The following TMEM184B variants were observed in gnomAD, a reference collection of about 807,000 sequenced individuals.
The protein encoded by TMEM184B is transmembrane protein 184B.
Under a neutral mutation model 41.8 loss-of-function variants are expected in TMEM184B, and 17 were observed. The observed-to-expected ratio is 0.41, with a 90% CI of 0.28 to 0.61. The LOEUF is 0.61. Among genes scored for constraint, TMEM184B ranks in the 20% least tolerant of loss-of-function variants. The pLI, the probability that TMEM184B is intolerant of heterozygous loss-of-function variation, is 0.34. For synonymous variants in TMEM184B, 240 were observed against 229.5 expected, an observed-to-expected ratio of 1.05 and a Z score of -0.41; for missense variants, 393 against 557.8, an observed-to-expected ratio of 0.70 and a Z score of 2.98.
chr22:38,221,699 G>T lies in TMEM184B; in HGVS notation c.994C>A (p.Pro332Thr), dbSNP rs958897396. The stretch of plus-strand genomic sequence containing the variant: ...AGGCTGCTGGAGATGCTCTTCATGG[G>T]GGCACAGCGGCCTGCCGGGCAGGGA... ...KRLDAQGRCA[P>T]MKSISSSLKE... The change falls in exon 9 of 9, where the codon CCC (proline) becomes ACC (threonine). Residue 332 changes from proline (P) to threonine (T), a missense_variant. This residue lies in a region of TMEM184B where 271 missense variants were observed against 434.1 expected (regional missense o/e 0.62). Coordinates refer to ENST00000361906, the MANE Select transcript of TMEM184B (RefSeq NM_012264.5). The T allele has an allele frequency of 1.9e-6, 3 of 1,613,824 alleles. No individual in the cohort carries two copies. Among genetic ancestry groups the T allele is most frequent in the Non-Finnish European group, 2.5e-6 (3 of 1,179,926 alleles).
chr22:38,232,273 TC>T (rs1449486817), intron 3 of TMEM184B: 1 of 152,104 alleles, frequency 6.6e-6, no homozygotes, highest in Non-Finnish European at 1.5e-5. Context: ...CGGCTCAACA[TC>T]TCCACAAAGA....
downstream of TMEM184B, among the ~76,000 whole-genome samples, chr22:38,218,944 A>G (rs1204124253): frequency 6.6e-6 from 1 of 152,174 alleles, no homozygotes; most frequent in African/African-American, 2.4e-5. Context: ...GAGACGCAGG[A>G]AGCTCGTCTG....
At chr22:38,255,405 C>T (rs528982426) in intron 1 of TMEM184B, among the ~76,000 whole-genome samples, 1 of 152,252 alleles carries the variant, frequency 6.6e-6, no homozygotes, top group African/African-American at 2.4e-5. Flanking sequence ...AACTCCTGAC[C>T]TTGTGATCCA....
At chr22:38,240,319 G>A (rs1399333308) in intron 3 of TMEM184B, among the ~76,000 whole-genome samples, 2 of 151,958 alleles carry the variant, frequency 1.3e-5, no homozygotes, top group Admixed American at 6.6e-5. Flanking sequence ...AATGGAGAGA[G>A]CTACTGACAT....
chr22:38,248,670 C>T (rs2092095739), intron 1 of TMEM184B, among the ~76,000 whole-genome samples: 1 of 152,238 alleles, frequency 6.6e-6, no homozygotes, highest in African/African-American at 2.4e-5. Context: ...TAACTGTTCC[C>T]CCCACCCCAC....
chr22:38,265,786 C>T (rs1207443804), intron 1 of TMEM184B, among the ~76,000 whole-genome samples: 1 of 152,240 alleles, frequency 6.6e-6, no homozygotes, highest in Admixed American at 6.5e-5. Context: ...AGATTCACTG[C>T]TCACTCTGCA....
rs150050904 is a variant in TMEM184B, at chr22:38,272,149, G to A, written c.-59+735C>T. Among the ~76,000 whole-genome samples, 82 of 152,334 alleles carry A rather than the reference G, an allele frequency of 5.4e-4. 4 individuals are homozygous for A. In the East Asian group the frequency reaches 0.016, roughly 29 times the overall value. On this transcript the variant is annotated intron_variant, in intron 1 of 8. Coordinates refer to ENST00000361906, the MANE Select transcript of TMEM184B (RefSeq NM_012264.5). ...TCTGGCCTTATACAACACCTCCAGA[G>A]GGGATATGTATTGGGAATCCATGCC...
At chr22:38,268,534 G>A (rs1335511444) in intron 1 of TMEM184B, among the ~76,000 whole-genome samples, 2 of 151,944 alleles carry the variant, frequency 1.3e-5, no homozygotes, top group Admixed American at 6.6e-5. Flanking sequence ...CTCTGTGGCC[G>A]CCTCCCACTC....
intron 3 of TMEM184B, chr22:38,231,584 C>G: frequency 1.6e-6 from 1 of 626,484 alleles, no homozygotes; most frequent in Non-Finnish European, 2.9e-6. Flanking sequence ...TGGCGTAATA[C>G]TATGAAGGGA....
At chr22:38,244,584 G>C (rs1348818067) in intron 3 of TMEM184B, among the ~76,000 whole-genome samples, 1 of 152,118 alleles carries the variant, frequency 6.6e-6, no homozygotes, top group Non-Finnish European at 1.5e-5. Flanking sequence ...AGCCTCCTGA[G>C]TAGCTGGAAT....
intron 3 of TMEM184B, among the ~76,000 whole-genome samples, chr22:38,244,078 A>G (rs1245558147): frequency 6.6e-6 from 1 of 152,136 alleles, no homozygotes; most frequent in Admixed American, 6.6e-5. Flanking sequence ...ATGTGGCCGC[A>G]GTTGGGGGTG....
intron 1 of TMEM184B, among the ~76,000 whole-genome samples, chr22:38,267,847 T>C (rs1031564256): frequency 6.6e-6 from 1 of 152,188 alleles, no homozygotes; most frequent in African/African-American, 2.4e-5. Flanking sequence ...CTGTGTACAT[T>C]TCGCCAGACA....
At chr22:38,248,137 C>T in intron 1 of TMEM184B, 118 bp from the exon 2 acceptor site, 7 of 1,344,682 alleles carry the variant, frequency 5.2e-6, no homozygotes, top group Non-Finnish European at 6.9e-6. Flanking sequence ...CCAACCATCA[C>T]CCTGTCCCAG....
chr22:38,232,772 G>C (rs777119869), intron 3 of TMEM184B, among the ~76,000 whole-genome samples: 3 of 152,084 alleles, frequency 2.0e-5, no homozygotes, highest in Non-Finnish European at 4.4e-5. Context: ...CGCCACTCCC[G>C]AGCAGCACTA....
chr22:38,259,182 C>A (rs564484567), intron 1 of TMEM184B, among the ~76,000 whole-genome samples: 6 of 152,342 alleles, frequency 3.9e-5, no homozygotes, highest in African/African-American at 1.4e-4. Flanking sequence ...GAGCATCCCA[C>A]CATCTCACCC....
At chr22:38,248,631 C>T (rs759132044) in intron 1 of TMEM184B, among the ~76,000 whole-genome samples, 14 of 152,224 alleles carry the variant, frequency 9.2e-5, no homozygotes, top group Non-Finnish European at 1.5e-4. Flanking sequence ...CGACACCACC[C>T]GACTAACTCG....
chr22:38,248,046 T>TCTC lies in TMEM184B; in HGVS notation c.-58-30_-58-28dup, dbSNP rs979247980. ...TAGAGAGAAGAAATTGCAATGTGAG[T>TCTC]CTCCTCCCAGGGCAAGTGGCAGCAT... On this transcript the variant is annotated intron_variant, in intron 1 of 8. Transcript: ENST00000361906. The TCTC allele has an allele frequency of 9.5e-6, 14 of 1,474,942 alleles. No homozygotes were observed. In the African/African-American group the frequency reaches 1.7e-4, roughly 18 times the overall value. 91.4% of individuals were successfully genotyped at this position (1,474,942 alleles called of 1,614,324 possible).
chr22:38,260,998 A>G (rs988261772), intron 1 of TMEM184B, among the ~76,000 whole-genome samples: 2 of 152,194 alleles, frequency 1.3e-5, no homozygotes, highest in Non-Finnish European at 2.9e-5. Flanking sequence ...CTCTTATTTA[A>G]TATAGATGGA....
chr22:38,264,108 A>G (rs974960996), intron 1 of TMEM184B, among the ~76,000 whole-genome samples: 7 of 152,138 alleles, frequency 4.6e-5, no homozygotes, highest in Non-Finnish European at 8.8e-5. Flanking sequence ...ACCAGCCAAT[A>G]CATAGTTTAA....
Sources: gnomAD v4.1 joint callset for allele counts (sites outside exome capture counted in the v4.1 genomes callset) on GRCh38, gnomAD v4.1.1 for gene constraint, gnomAD v4.1.1 regional missense constraint, MANE v1.5 for transcripts, NCBI Gene and HGNC (gene_info 2026-07-23, HGNC 2026-07-21) for gene names.